Variants in CRB2 observed in about 807,000 individuals in gnomAD.
The protein encoded by CRB2 is crumbs cell polarity complex component 2.
In CRB2, 85 loss-of-function variants were observed where a neutral mutation model predicts 110.9. The observed-to-expected ratio is 0.77, with a 90% CI of 0.64 to 0.92. CRB2 has a LOEUF of 0.92. CRB2 is among the 40% of genes least tolerant of loss of function. The probability of loss-of-function intolerance (pLI) is 0.00; values close to 1 mark genes in which losing one functional copy is unlikely to be tolerated. For synonymous variants in CRB2, 907 were observed against 831.0 expected, an observed-to-expected ratio of 1.09 and a Z score of -1.57; for missense variants, 1,843 against 1,851.3, an observed-to-expected ratio of 1.00 and a Z score of 0.08.
rs2041888350 is a variant in CRB2 at position 123,363,126 on chromosome 9, A to G, written c.356A>G (p.His119Arg). ...IDECASRPCHHGATCRNLADR... is the reference protein window; with the variant it reads ...IDECASRPCHRGATCRNLADR... ...GAGTGTGCATCCCGGCCGTGCCACC[A>G]TGGGGCCACCTGCCGCAACCTGGCC... Residue 119 changes from histidine (H) to arginine (R), a missense_variant, in exon 2 of 13, where the codon CAT becomes CGT. His to Arg is a conservative substitution (Grantham distance 29). Transcript: ENST00000373631. 1 of 1,610,458 alleles carries G rather than the reference A, an allele frequency of 6.2e-7. No homozygotes were observed. The highest frequency in any genetic ancestry group is 8.5e-7 in the Non-Finnish European group (1 of 1,179,470).
chr9:123,361,259 C>T (rs748145156), intron 1 of CRB2, among the ~76,000 whole-genome samples: 1 of 152,182 alleles, frequency 6.6e-6, no homozygotes, highest in Non-Finnish European at 1.5e-5. Context: ...AGTGCTGCAC[C>T]CTCCTGAGCA....
Position 123,370,810 on chromosome 9 carries a change from A to G in CRB2, c.1757A>G (p.Asp586Gly). The G allele has an allele frequency of 1.9e-6, 3 of 1,602,158 alleles. No homozygotes were observed. Among genetic ancestry groups the G allele is most frequent in the East Asian group, 4.5e-5 (2 of 44,706 alleles). ...FAGCLQDVRV[D>G]GHLLLPEDLG... ...GGCTGCCTCCAGGACGTGCGTGTGG[A>G]TGGCCACCTCCTGCTGCCTGAGGAT... Residue 586 changes from aspartate to glycine, a missense_variant, in exon 7 of 13, where the codon GAT becomes GGT. By Grantham distance (94) the Asp-to-Gly change is moderately conservative. Transcript: ENST00000373631.
chr9:123,361,154 G>A (rs1467806991), intron 1 of CRB2, among the ~76,000 whole-genome samples: 2 of 145,394 alleles, frequency 1.4e-5, no homozygotes, highest in African/African-American at 5.2e-5. Context: ...GGGGTTCCTT[G>A]CACTGCACAG....
chr9:123,370,286 C>T lies in CRB2; in HGVS notation c.1233C>T (p.Cys411=). ...ACACCTGCCCGCTGGCTGCCACCTG[C>T]ATCCCTATCTTCGAGTCTGGGGTCC... ...QGHTCPLAAT[C]IPIFESGVHS... The change falls in exon 7 of 13, where the codon TGC becomes TGT. Residue 411 remains cysteine (C), a synonymous_variant. Transcript: ENST00000373631. 3 of 1,613,374 alleles carry T rather than the reference C, an allele frequency of 1.9e-6. No individual in the cohort carries two copies. Among genetic ancestry groups the T allele is most frequent in the Non-Finnish European group, 2.5e-6 (3 of 1,179,990 alleles).
Position 123,365,948 on chromosome 9 carries a change from C to A in CRB2, c.450C>A (p.Cys150Ter). Residue 150 changes from cysteine to a stop codon, truncating the protein, a stop_gained, in exon 3 of 13, where the codon TGC becomes TGA. Coordinates refer to ENST00000373631, the MANE Select transcript of CRB2 (RefSeq NM_173689.7). LOFTEE classifies it high-confidence loss of function. ...CCTGCGAGATGGAGGTGGACGAGTG[C>A]GCCTCAGCGCCCTGCCTGCACGGGG... ...GVTCEMEVDE[C>*]ASAPCLHGGS... 2 of 1,596,494 alleles carry A rather than the reference C, an allele frequency of 1.3e-6. No homozygotes were observed. Among genetic ancestry groups the A allele is most frequent in the African/African-American group, 2.7e-5 (2 of 74,826 alleles).
chr9:123,370,839 G>T lies in CRB2; in HGVS notation c.1786G>T (p.Gly596Cys). 2 of 1,607,030 alleles carry T rather than the reference G, an allele frequency of 1.2e-6. No homozygotes were observed. Among genetic ancestry groups the T allele is most frequent in the Non-Finnish European group, 1.7e-6 (2 of 1,179,954 alleles). The stretch of plus-strand genomic sequence containing the variant: ...CCACCTCCTGCTGCCTGAGGATCTC[G>T]GTGAGAACGTCCTCCTGGGCTGTGA... ...DGHLLLPEDL[G>C]ENVLLGCERR... Residue 596 changes from glycine (G) to cysteine (C), a missense_variant, in exon 7 of 13, where the codon GGT becomes TGT. Gly to Cys is a radical substitution (Grantham distance 159). Coordinates refer to ENST00000373631, the MANE Select transcript of CRB2 (RefSeq NM_173689.7).
chr9:123,370,144 C>G lies in CRB2; in HGVS notation c.1091C>G (p.Ser364Trp). The G allele has an allele frequency of 6.2e-7, 1 of 1,602,674 alleles. No individual in the cohort carries two copies. The highest frequency in any genetic ancestry group is 8.5e-7 in the Non-Finnish European group (1 of 1,173,222). Residue 364 changes from serine to tryptophan, a missense_variant, in exon 7 of 13, where the codon TCG (serine) becomes TGG (tryptophan). Physicochemically the swap from Ser to Trp is radical, Grantham distance 177. Coordinates refer to ENST00000373631, the MANE Select transcript of CRB2 (RefSeq NM_173689.7). ...TCEEDVDECL[S>W]DPCLHGGTCS... ...GAGGAAGATGTGGATGAATGCCTGT[C>G]GGATCCCTGCCTGCACGGCGGAACC...
intron 11 of CRB2, 99 bp from the exon 12 acceptor site, chr9:123,375,118 C>G (rs1170584148): frequency 1.6e-5 from 25 of 1,558,142 alleles, no homozygotes; most frequent in Non-Finnish European, 2.1e-5. Flanking sequence ...GATGGATAAG[C>G]TCTGATGCTT....
At chr9:123,366,483 CA>C (rs2041934402) in intron 4 of CRB2, 117 bp downstream of exon 4, 3 of 1,282,112 alleles carry the variant, frequency 2.3e-6, no homozygotes, top group South Asian at 3.2e-5. Flanking sequence ...TCCTCGGGAC[CA>C]GAGTGTGTGT....
chr9:123,373,584 C>A lies in CRB2; in HGVS notation c.3053C>A (p.Ala1018Glu), dbSNP rs772057704. Residue 1018 changes from alanine to glutamate, a missense_variant, in exon 10 of 13, where the codon GCG becomes GAG. Coordinates refer to ENST00000373631, the MANE Select transcript of CRB2 (RefSeq NM_173689.7). ...TTCACCGGCTGCTTGGGCCGCGTGG[C>A]GCTGGGCGGCCTGCCCCTGCCCTTG... ...ENFTGCLGRV[A>E]LGGLPLPLAR... 2 of 1,447,114 alleles carry A rather than the reference C, an allele frequency of 1.4e-6. No homozygotes were observed. Among genetic ancestry groups the A allele is most frequent in the Admixed American group, 2.4e-5 (1 of 41,714 alleles). The allele number at this position is 1,447,114 out of a possible 1,614,324, so 89.6% of individuals were successfully genotyped here.
At position 123,378,356 on chromosome 9, in the gene CRB2, G is replaced by C. The variant is rs1226646439; in HGVS notation, c.*1294G>C. 1.3e-5 allele frequency: 2 copies of C among 152,368 alleles called. No homozygotes were observed. The highest frequency in any genetic ancestry group is 2.4e-5 in the African/African-American group (1 of 41,468). The allele number at this position is 152,368 out of a possible 1,614,324, so 9.4% of individuals were successfully genotyped here. Reference sequence around the variant, plus strand: ...TCCAGCTTCATGGACCTGGAGATGTGCCCTTTCATCCTTCCTGCTTCCCAG... The same window carrying C: ...TCCAGCTTCATGGACCTGGAGATGTCCCCTTTCATCCTTCCTGCTTCCCAG... On this transcript the variant is annotated 3_prime_UTR_variant, in exon 13 of 13. Coordinates refer to ENST00000373631, the MANE Select transcript of CRB2 (RefSeq NM_173689.7).
chr9:123,358,907 A>G (rs1018406233), intron 1 of CRB2, among the ~76,000 whole-genome samples: 1 of 152,194 alleles, frequency 6.6e-6, no homozygotes, highest in Non-Finnish European at 1.5e-5. Flanking sequence ...GAAATTTTAG[A>G]TGGAAGCCCA....
chr9:123,366,275 G>T lies in CRB2; in HGVS notation c.663G>T (p.Glu221Asp), dbSNP rs1447674587. 1.3e-6 allele frequency: 2 copies of T among 1,511,162 alleles called. No homozygotes were observed. The highest frequency in any genetic ancestry group is 2.7e-5 in the East Asian group (1 of 36,404). 93.6% of individuals were successfully genotyped at this position (1,511,162 alleles called of 1,614,324 possible). A position where few individuals can be genotyped will look rare whatever the true frequency, so the allele number is the denominator to read the frequency against. The change falls in exon 4 of 13, where the codon GAG becomes GAT. Residue 221 changes from glutamate (E) to aspartate (D), a missense_variant. By Grantham distance (45) the Glu-to-Asp change is conservative. Transcript: ENST00000373631. Reference sequence around the variant, plus strand: ...CCGGCTACGAGGGCACGCACTGCGAGCGGGAGGTGCTGGAGTGCGCATCGG... The same window carrying T: ...CCGGCTACGAGGGCACGCACTGCGATCGGGAGGTGCTGGAGTGCGCATCGG... ...AGTGYEGTHCEREVLECASAP... is the reference protein window; with the variant it reads ...AGTGYEGTHCDREVLECASAP...
chr9:123,378,764 G>A (rs983462147), downstream of CRB2: 2 of 141,504 alleles, frequency 1.4e-5, no homozygotes, highest in Non-Finnish European at 3.0e-5. Context: ...GCTGTCCCCT[G>A]TCCTCTTCCT....
At position 123,366,432 on chromosome 9, in the gene CRB2, C is replaced by A. The variant is rs886984069; in HGVS notation, c.754+66C>A. ...AGGTGTGCGCCTGTGCGGCCTGGGGCGGTGGGGCAGGTGTGTGGCTGCACG... is the reference window on the plus strand; with the variant it reads ...AGGTGTGCGCCTGTGCGGCCTGGGGAGGTGGGGCAGGTGTGTGGCTGCACG... On this transcript the variant is annotated intron_variant, in intron 4 of 12. Transcript: ENST00000373631. The A allele has an allele frequency of 2.7e-6, 4 of 1,473,000 alleles. No homozygotes were observed. The African/African-American group carries it at 5.9e-5, about 22-fold the overall frequency. The allele number at this position is 1,473,000 out of a possible 1,614,324, so 91.2% of individuals were successfully genotyped here. A position where few individuals can be genotyped will look rare whatever the true frequency, so the allele number is the denominator to read the frequency against.
chr9:123,374,700 G>T lies in CRB2; in HGVS notation c.3506+5G>T. 1 of 1,599,840 alleles carries T rather than the reference G, an allele frequency of 6.3e-7. No individual in the cohort carries two copies. Among genetic ancestry groups the T allele is most frequent in the Non-Finnish European group, 8.5e-7 (1 of 1,172,824 alleles). On this transcript the variant is annotated splice_donor_5th_base_variant and intron_variant, in intron 11 of 12. Transcript: ENST00000373631. ...GGAGGGTCTTGCTGGCCAGAGGTGG[G>T]TCTGGGGGCCTGGGAACTGTGAGGA...
intron 2 of CRB2, among the ~76,000 whole-genome samples, chr9:123,365,420 C>T (rs2041917409): frequency 6.6e-6 from 1 of 152,210 alleles, no homozygotes; most frequent in East Asian, 1.9e-4. Flanking sequence ...CACCCTCTCC[C>T]TTGCTTCCAA....
intron 1 of CRB2, among the ~76,000 whole-genome samples, chr9:123,361,115 G>C (rs1363828990): frequency 7.5e-6 from 1 of 133,896 alleles, no homozygotes; most frequent in East Asian, 2.4e-4. Flanking sequence ...AGGGGGCAAA[G>C]CTTCAGATTG....
chr9:123,356,278 TG>T lies in CRB2; in HGVS notation c.21del (p.Thr8ProfsTer134). 1 of 1,536,394 alleles carries T rather than the reference TG, an allele frequency of 6.5e-7. No homozygotes were observed. On this transcript the variant is annotated frameshift_variant, in exon 1 of 13. Transcript: ENST00000373631. LOFTEE classifies it high-confidence loss of function. The part of the protein sequence containing the change: MALARP[G>X]TPDPQALASV... ...GGGCTGCCATGGCGCTGGCCAGGCC[TG>T]GGACCCCGGACCCCCAGGCCCTGGC...
Sources: allele counts gnomAD v4.1 joint callset (sites outside exome capture counted in the v4.1 genomes callset), GRCh38; gene constraint gnomAD v4.1.1; transcripts MANE v1.5; gene names NCBI Gene and HGNC (gene_info 2026-07-23, HGNC 2026-07-21).